Variants in BARX2 observed in about 807,000 individuals in gnomAD.
BARX2 encodes the protein BARX homeobox 2, also known as homeobox protein BarH-like 2.
A neutral mutation model predicts 25.5 loss-of-function variants in BARX2; 11 were observed. That is an observed-to-expected ratio of 0.43 (90% CI 0.27 to 0.71). The LOEUF is 0.71. Ranked by LOEUF, BARX2 falls within the 30% of genes least tolerant of loss-of-function variation. BARX2 has a pLI of 0.19. For synonymous variants in BARX2, 137 were observed against 149.5 expected, an observed-to-expected ratio of 0.92 and a Z score of 0.61; for missense variants, 360 against 359.9, an observed-to-expected ratio of 1.00 and a Z score of 0.00.
At chr11:129,381,010 C>T (rs1053596840) in intron 1 of BARX2, among the ~76,000 whole-genome samples, 2 of 152,080 alleles carry the variant, frequency 1.3e-5, no homozygotes, top group South Asian at 2.1e-4. Flanking sequence ...CTCCTAATCT[C>T]GTGATCCACC....
At chr11:129,433,753 A>G (rs538130763) in intron 1 of BARX2, among the ~76,000 whole-genome samples, 58 of 152,038 alleles carry the variant, frequency 3.8e-4, no homozygotes, top group Middle Eastern at 3.2e-3. Flanking sequence ...CTCATCCCCA[A>G]TACTGCCCTC....
intron 1 of BARX2, among the ~76,000 whole-genome samples, chr11:129,435,735 ATG>A (rs1213791266): frequency 1.3e-5 from 2 of 152,244 alleles, no homozygotes; most frequent in Non-Finnish European, 2.9e-5. Context: ...GAGAGATAAA[ATG>A]ATTCACATAG....
intron 3 of BARX2, among the ~76,000 whole-genome samples, chr11:129,449,337 T>C (rs949622882): frequency 4.6e-5 from 7 of 152,188 alleles, no homozygotes; most frequent in African/African-American, 1.7e-4. Context: ...TAGCTGGAAG[T>C]TTGATTCTTG....
At chr11:129,435,914 C>T (rs562222367) in intron 1 of BARX2, among the ~76,000 whole-genome samples, 28 of 152,322 alleles carry the variant, frequency 1.8e-4, no homozygotes, top group African/African-American at 4.6e-4. Context: ...TACCCTGCCC[C>T]GGCCACATGC....
intron 1 of BARX2, among the ~76,000 whole-genome samples, chr11:129,411,841 G>C (rs1001038601): frequency 1.3e-5 from 2 of 152,204 alleles, no homozygotes; most frequent in African/African-American, 2.4e-5. Context: ...AGCTGGGATC[G>C]AGACTCATAG....
In BARX2 at chr11:129,427,139, G is replaced by A. The variant is rs192035256; in HGVS notation, c.188-9612G>A. On this transcript the variant is annotated intron_variant, in intron 1 of 3. Transcript: ENST00000281437. ...TGAGCATTATGAAACTAAGTGAAGG[G>A]AGAGAAAGAAAGGGAACCAAGTGCC... 3.5e-4 allele frequency among the ~76,000 whole-genome samples: 54 copies of A among 152,326 alleles called. 2 individuals carry two copies. The highest frequency in any genetic ancestry group is 6.8e-3 in the Middle Eastern group (2 of 294).
Position 129,452,181 on chromosome 11 carries a change from C to T in BARX2, c.*779C>T, listed in dbSNP as rs1157626156. 6.6e-6 allele frequency: 1 copy of T among 152,040 alleles called. No homozygotes were observed. Among genetic ancestry groups the T allele is most frequent in the Non-Finnish European group, 1.5e-5 (1 of 68,002 alleles). 9.4% of individuals were successfully genotyped at this position (152,040 alleles called of 1,614,324 possible). On this transcript the variant is annotated 3_prime_UTR_variant, in exon 4 of 4. Coordinates refer to ENST00000281437, the MANE Select transcript of BARX2 (RefSeq NM_003658.5). ...ATTTTTCATAAAAAACATTTGTGAC[C>T]TTCGGCATAAATGGGTTAAGGTGCC...
In BARX2 at chr11:129,405,957, C is replaced by T. The variant is rs113496585; in HGVS notation, c.187+29735C>T. 5.2e-3 allele frequency among the ~76,000 whole-genome samples: 785 copies of T among 152,304 alleles called. 6 individuals are homozygous for T. The highest frequency in any genetic ancestry group is 0.018 in the African/African-American group (740 of 41,562). Reference sequence around the variant, plus strand: ...TAGAATGCTTATATTCTTTAGTCCACATTTAAGTGATTGTCTTGCTTTATA... The same window carrying T: ...TAGAATGCTTATATTCTTTAGTCCATATTTAAGTGATTGTCTTGCTTTATA... On this transcript the variant is annotated intron_variant, in intron 1 of 3. Coordinates refer to ENST00000281437, the MANE Select transcript of BARX2 (RefSeq NM_003658.5).
At chr11:129,404,906 T>C (rs993991285) in intron 1 of BARX2, among the ~76,000 whole-genome samples, 21 of 152,212 alleles carry the variant, frequency 1.4e-4, no homozygotes, top group African/African-American at 5.1e-4. Flanking sequence ...AACTCTCCTC[T>C]CTTTTTCCTC....
rs1862195282 is a variant in BARX2, at chr11:129,436,832, C to G, written c.269C>G (p.Thr90Ser). Residue 90 changes from threonine (T) to serine (S), a missense_variant, in exon 2 of 4, where the codon ACC (threonine) becomes AGC (serine). Thr to Ser is a moderately conservative substitution (Grantham distance 58). Coordinates refer to ENST00000281437, the MANE Select transcript of BARX2 (RefSeq NM_003658.5). The surrounding 1 kb of genome is among the most constrained non-coding windows in gnomAD (Gnocchi z 4.5). ...GTCATCTCCCACCTGGTCCCTGCCA[C>G]CCCGGGAATCGCCCAGGCACTGTCC... The part of the protein sequence containing the change: ...PTVISHLVPA[T>S]PGIAQALSCH... The G allele has an allele frequency of 1.2e-6, 2 of 1,613,958 alleles. No homozygotes were observed. The highest frequency in any genetic ancestry group is 1.7e-6 in the Non-Finnish European group (2 of 1,179,950).
chr11:129,434,576 T>C (rs1228738377), intron 1 of BARX2, among the ~76,000 whole-genome samples: 2 of 152,134 alleles, frequency 1.3e-5, no homozygotes, highest in East Asian at 3.9e-4. Flanking sequence ...AATGGTTACA[T>C]TGTAGTTCAT....
chr11:129,435,551 A>G (rs1036724084), intron 1 of BARX2, among the ~76,000 whole-genome samples: 2 of 152,198 alleles, frequency 1.3e-5, no homozygotes, highest in South Asian at 2.1e-4. Context: ...GTGGCCTTGA[A>G]GTCACTTTTC....
intron 1 of BARX2, among the ~76,000 whole-genome samples, chr11:129,417,985 C>T (rs572744643): frequency 2.5e-4 from 38 of 152,208 alleles, no homozygotes; most frequent in African/African-American, 8.9e-4. Context: ...TGGTAAAATT[C>T]GACACTGCAG....
chr11:129,433,243 C>A (rs547948506), intron 1 of BARX2, among the ~76,000 whole-genome samples: 5 of 152,172 alleles, frequency 3.3e-5, no homozygotes, highest in Non-Finnish European at 7.3e-5. Flanking sequence ...CTCTCTCTCT[C>A]ATACCTGACA....
chr11:129,450,898 T>C (rs1359561664), intron 3 of BARX2, among the ~76,000 whole-genome samples: 1 of 152,236 alleles, frequency 6.6e-6, no homozygotes, highest in African/African-American at 2.4e-5. Context: ...TGAAGCTGCC[T>C]ATGATTGTTG....
intron 1 of BARX2, among the ~76,000 whole-genome samples, chr11:129,399,187 T>C (rs1861751867): frequency 6.6e-6 from 1 of 152,216 alleles, no homozygotes; most frequent in Non-Finnish European, 1.5e-5. Context: ...TTCAGTATTG[T>C]AGGCTCTCTG....
At chr11:129,426,441 C>T (rs1382193342) in intron 1 of BARX2, among the ~76,000 whole-genome samples, 1 of 151,792 alleles carries the variant, frequency 6.6e-6, no homozygotes, top group Non-Finnish European at 1.5e-5. Flanking sequence ...GGCACAATCT[C>T]GGCTCACTGC....
chr11:129,416,290 G>A (rs1008382142), intron 1 of BARX2, among the ~76,000 whole-genome samples: 1 of 152,178 alleles, frequency 6.6e-6, no homozygotes, highest in Non-Finnish European at 1.5e-5. Context: ...TTGTTGAGGA[G>A]TGAGGAGGGT....
intron 1 of BARX2, among the ~76,000 whole-genome samples, chr11:129,394,135 T>C (rs989977490): frequency 6.6e-6 from 1 of 152,180 alleles, no homozygotes; most frequent in Admixed American, 6.5e-5. Context: ...GAACTTTATA[T>C]AGATGGAATC....
Sources: gnomAD v4.1 joint callset for allele counts (sites outside exome capture counted in the v4.1 genomes callset) on GRCh38, gnomAD v4.1.1 for gene constraint, Gnocchi (gnomAD v3.1) non-coding constraint, MANE v1.5 for transcripts, NCBI Gene and HGNC (gene_info 2026-07-23, HGNC 2026-07-21) for gene names.